Variants in SYCP2 observed in about 807,000 individuals in gnomAD.
The protein encoded by SYCP2 is synaptonemal complex protein 2, also known as synaptonemal complex lateral element protein.
SYCP2 carries 55 observed loss-of-function variants against 211.3 expected under a neutral mutation model. The observed-to-expected ratio is 0.26, with a 90% CI of 0.21 to 0.33. SYCP2 has a LOEUF of 0.33. SYCP2 is among the 10% of genes least tolerant of loss of function. SYCP2 has a pLI of 1.00. For missense variants in SYCP2, 1,731 were observed against 1,752.0 expected (o/e 0.99, Z 0.21); for synonymous variants, 570 against 555.2 (o/e 1.03, Z -0.37).
Position 59,906,474 on chromosome 20 carries a change from T to G in SYCP2, c.1033+890A>C, listed in dbSNP as rs543778029. ...AAAGAAAAGCCTTTACAGCAAATAATCCCGTAATAACTGCATATCTATATG... is the reference window on the plus strand; with the variant it reads ...AAAGAAAAGCCTTTACAGCAAATAAGCCCGTAATAACTGCATATCTATATG... On this transcript the variant is annotated intron_variant, in intron 15 of 44. Transcript: ENST00000357552. Among the ~76,000 whole-genome samples, 16 of 152,156 alleles carry G rather than the reference T, an allele frequency of 1.1e-4. No homozygotes were observed. The South Asian group carries it at 3.3e-3, about 32-fold the overall frequency.
chr20:59,920,607 A>G (rs910240550), intron 4 of SYCP2, 120 bp from the exon 5 acceptor site: 1 of 817,854 alleles, frequency 1.2e-6, no homozygotes, highest in African/African-American at 1.7e-5. Context: ...TGGTCATTTT[A>G]ATCATCTCTA....
intron 15 of SYCP2, among the ~76,000 whole-genome samples, chr20:59,904,072 T>A (rs2060168085): frequency 6.6e-6 from 1 of 152,076 alleles, no homozygotes; most frequent in Non-Finnish European, 1.5e-5. Flanking sequence ...AAGCAAGTAT[T>A]TAGTGAGCAG....
At chr20:59,883,648 AAAT>A in intron 26 of SYCP2, among the ~76,000 whole-genome samples, 1 of 152,192 alleles carries the variant, frequency 6.6e-6, no homozygotes, top group South Asian at 2.1e-4. Flanking sequence ...AAAAAAAAAA[AAAT>A]GTCAAATCTA....
At position 59,931,873 on chromosome 20, in the gene SYCP2, A is replaced by G. The variant is rs556492883; in HGVS notation, c.-47+189T>C. Among the ~76,000 whole-genome samples, 6 of 152,342 alleles carry G rather than the reference A, an allele frequency of 3.9e-5. No homozygotes were observed. The South Asian group carries it at 1.2e-3, about 32-fold the overall frequency. On this transcript the variant is annotated intron_variant, in intron 2 of 44. Coordinates refer to ENST00000357552, the MANE Select transcript of SYCP2 (RefSeq NM_014258.4). ...TCAAAAGCACAGCACTATCCACAAC[A>G]TCAAACAAGTTAACATTTGCAAGTG...
chr20:59,884,941 G>C (rs2059757224), intron 26 of SYCP2, among the ~76,000 whole-genome samples: 1 of 152,054 alleles, frequency 6.6e-6, no homozygotes, highest in African/African-American at 2.4e-5. Flanking sequence ...CAGAATTCTT[G>C]CCAAATGGGT....
In SYCP2 at chr20:59,863,637, C is replaced by A. The variant is rs939917422; in HGVS notation, c.*674G>T. ...ATTAAAAGCAAATCAAATGTATACT[C>A]ATTTTTATAAATTAATCTAGCAAGA... On this transcript the variant is annotated 3_prime_UTR_variant, in exon 45 of 45. Coordinates refer to ENST00000357552, the MANE Select transcript of SYCP2 (RefSeq NM_014258.4). 7.9e-5 allele frequency: 12 copies of A among 151,914 alleles called. No homozygotes were observed. Among genetic ancestry groups the A allele is most frequent in the African/African-American group, 2.9e-4 (12 of 41,392 alleles). The allele number at this position is 151,914 out of a possible 1,614,324, so 9.4% of individuals were successfully genotyped here.
chr20:59,932,774 G>A (rs890150316), intron 1 of SYCP2, among the ~76,000 whole-genome samples: 2 of 152,166 alleles, frequency 1.3e-5, no homozygotes, highest in African/African-American at 2.4e-5. Flanking sequence ...GCCACGTGTC[G>A]CGCATTGAGC....
At position 59,886,769 on chromosome 20, in the gene SYCP2, T is replaced by C; in HGVS notation, c.2430A>G (p.Lys810=). The change falls in exon 25 of 45, where the codon AAA becomes AAG. Residue 810 remains lysine, a synonymous_variant. Coordinates refer to ENST00000357552, the MANE Select transcript of SYCP2 (RefSeq NM_014258.4). The part of the protein sequence containing the change: ...VAESLISQIN[K]RYKTKDDIKS... ...TGATGTCATCTTTTGTTTTGTATCTTTTATTGATTTGGCTTATCAAGGATT... is the reference window on the plus strand; with the variant it reads ...TGATGTCATCTTTTGTTTTGTATCTCTTATTGATTTGGCTTATCAAGGATT... The C allele has an allele frequency of 6.3e-7, 1 of 1,592,000 alleles. No individual in the cohort carries two copies. Among genetic ancestry groups the C allele is most frequent in the Non-Finnish European group, 8.5e-7 (1 of 1,172,024 alleles).
chr20:59,878,194 C>G, intron 31 of SYCP2, 149 bp from the exon 32 acceptor site: 1 of 584,622 alleles, frequency 1.7e-6, no homozygotes, highest in Non-Finnish European at 2.8e-6. Flanking sequence ...AGTGAACCTC[C>G]ATGTGGCCTC....
rs1202807417 is a variant in SYCP2, at chr20:59,868,856, A to G, written c.3811T>C (p.Cys1271Arg). Residue 1271 changes from cysteine to arginine, a missense_variant, in exon 37 of 45, where the codon TGT (cysteine) becomes CGT (arginine). Cys to Arg is a radical substitution (Grantham distance 180). Coordinates refer to ENST00000357552, the MANE Select transcript of SYCP2 (RefSeq NM_014258.4). ...GREKTWFDMP[C>R]DATHVSGPTQ... ...AAACCTGATACATGAGTAGCATCAC[A>G]GGGCATGTCAAACCACGTTTTCTCT... The G allele has an allele frequency of 6.2e-7, 1 of 1,609,754 alleles. No homozygotes were observed.
At chr20:59,920,276 A>T (rs913098746) in intron 5 of SYCP2, 83 bp downstream of exon 5, 1 of 1,264,764 alleles carries the variant, frequency 7.9e-7, no homozygotes, top group African/African-American at 1.5e-5. Context: ...ATTTATTTTC[A>T]ACAATTTGGA....
chr20:59,916,946 G>A (rs2060454549), intron 7 of SYCP2, among the ~76,000 whole-genome samples: 1 of 152,086 alleles, frequency 6.6e-6, no homozygotes, highest in South Asian at 2.1e-4. Flanking sequence ...AGAGTTAGTG[G>A]AAAGGATATA....
Position 59,900,753 on chromosome 20 carries a change from A to C in SYCP2, c.1248T>G (p.Ser416Arg). The C allele has an allele frequency of 6.2e-7, 1 of 1,612,522 alleles. No individual in the cohort carries two copies. The highest frequency in any genetic ancestry group is 8.5e-7 in the Non-Finnish European group (1 of 1,178,966). Residue 416 changes from serine (S) to arginine (R), a missense_variant, in exon 17 of 45, where the codon AGT becomes AGG. By Grantham distance (110) the Ser-to-Arg change is moderately radical. Around this residue, in one of 3 missense-constraint regions of SYCP2, gnomAD observed 1,387 missense variants for 1,351.3 expected, o/e 1.03. Coordinates refer to ENST00000357552, the MANE Select transcript of SYCP2 (RefSeq NM_014258.4). Reference protein sequence around the residue: ...KTSLHILFDASGSQILVPESQ... With the variant: ...KTSLHILFDARGSQILVPESQ... The stretch of plus-strand genomic sequence containing the variant: ...TAAGTCTGAGACATACCTGTGATCC[A>C]CTTGCGTCAAAAAGTATATGCAGCG...
chr20:59,868,475 C>G lies in SYCP2; in HGVS notation c.3926G>C (p.Arg1309Thr). The change falls in exon 38 of 45, where the codon AGA (arginine) becomes ACA (threonine). Residue 1309 changes from arginine (R) to threonine (T), a missense_variant. Coordinates refer to ENST00000357552, the MANE Select transcript of SYCP2 (RefSeq NM_014258.4). ...CAGTTTTTTGGGAAGCAAGTTTGCT[C>G]TCCTTTCTCCTTTCTCTTCCATTTC... is the stretch of plus-strand genomic sequence containing the variant. The part of the protein sequence containing the change: ...EVEMEEKGER[R>T]ANLLPKKLCK... The G allele has an allele frequency of 6.2e-7, 1 of 1,611,332 alleles. No individual in the cohort carries two copies. Among genetic ancestry groups the G allele is most frequent in the Non-Finnish European group, 8.5e-7 (1 of 1,178,432 alleles).
chr20:59,892,661 G>A lies in SYCP2; in HGVS notation c.1834C>T (p.His612Tyr), dbSNP rs200064162. 6.2e-7 allele frequency: 1 copy of A among 1,609,398 alleles called. No individual in the cohort carries two copies. Among genetic ancestry groups the A allele is most frequent in the Non-Finnish European group, 8.5e-7 (1 of 1,177,694 alleles). ...VLDNICGNKI[H>Y]SKWACWTPVT... ...GGTGTCCAACATGCCCATTTGCTGT[G>A]TATTTTATTTCCACAGATGTTGTCT... Residue 612 changes from histidine to tyrosine, a missense_variant, in exon 23 of 45, where the codon CAC (histidine) becomes TAC (tyrosine). His to Tyr is a moderately conservative substitution (Grantham distance 83, BLOSUM62 2). Around this residue, in one of 3 missense-constraint regions of SYCP2, gnomAD observed 1,387 missense variants for 1,351.3 expected, o/e 1.03. Transcript: ENST00000357552.
rs199939154 is a variant in SYCP2 at position 59,882,038 on chromosome 20, A to C, written c.2601-36T>G. 14 of 1,607,802 alleles carry C rather than the reference A, an allele frequency of 8.7e-6. No homozygotes were observed. In the Admixed American group the frequency reaches 1.2e-4, roughly 13 times the overall value. On this transcript the variant is annotated intron_variant, in intron 27 of 44. Coordinates refer to ENST00000357552, the MANE Select transcript of SYCP2 (RefSeq NM_014258.4). Reference sequence around the variant, plus strand: ...GAAGAGCAATATTAGCTCCACTTAAATATGTGTAGTCTCTTCAAATATGAA... The same window carrying C: ...GAAGAGCAATATTAGCTCCACTTAACTATGTGTAGTCTCTTCAAATATGAA...
chr20:59,921,309 C>T lies in SYCP2; in HGVS notation c.168+1G>A. ...ATCATTCAGCAAAAATGAATATTTA[C>T]CCTGCATATAAGGTTGTCCACCTTG... On this transcript the variant is annotated splice_donor_variant, in intron 4 of 44. Transcript: ENST00000357552. LOFTEE classifies it high-confidence loss of function. 1 of 1,588,180 alleles carries T rather than the reference C, an allele frequency of 6.3e-7. No individual in the cohort carries two copies. Among genetic ancestry groups the T allele is most frequent in the Non-Finnish European group, 8.6e-7 (1 of 1,167,034 alleles).
chr20:59,882,103 T>C lies in SYCP2; in HGVS notation c.2592A>G (p.Glu864=). 6.2e-7 allele frequency: 1 copy of C among 1,612,952 alleles called. No individual in the cohort carries two copies. The highest frequency in any genetic ancestry group is 8.5e-7 in the Non-Finnish European group (1 of 1,179,356). Residue 864 remains glutamate (E), a synonymous_variant, in exon 27 of 45, where the codon GAA becomes GAG. Coordinates refer to ENST00000357552, the MANE Select transcript of SYCP2 (RefSeq NM_014258.4). ...TTACAAAAAATACTTACACTGGGCA[T>C]TCAGAAGTAACATTAACAAAGGTAG... ...LKTTFVNVTS[E]CPVNDVYNFN...
chr20:59,864,675 A>G (rs1051868546), intron 44 of SYCP2, among the ~76,000 whole-genome samples: 1 of 152,040 alleles, frequency 6.6e-6, no homozygotes, highest in Non-Finnish European at 1.5e-5. Flanking sequence ...AAAAGTCTAG[A>G]AAACAATTTC....
Sources: gnomAD v4.1 joint callset for allele counts (sites outside exome capture counted in the v4.1 genomes callset) on GRCh38, gnomAD v4.1.1 for gene constraint, gnomAD v4.1.1 regional missense constraint, MANE v1.5 for transcripts, NCBI Gene and HGNC (gene_info 2026-07-23, HGNC 2026-07-21) for gene names.